The following MINDY4 variants were observed in gnomAD, a reference collection of about 807,000 sequenced individuals.
MINDY4 encodes the protein probable ubiquitin carboxyl-terminal hydrolase MINDY-4.
Under a neutral mutation model 87.0 loss-of-function variants are expected in MINDY4, and 68 were observed. That is an observed-to-expected ratio of 0.78 (90% CI 0.64 to 0.96). The LOEUF is 0.96. MINDY4 is among the 40% of genes least tolerant of loss of function. MINDY4 has a pLI of 0.00. For synonymous variants in MINDY4, 379 were observed against 363.2 expected, an observed-to-expected ratio of 1.04 and a Z score of -0.50; for missense variants, 919 against 928.2, an observed-to-expected ratio of 0.99 and a Z score of 0.13.
intron 4 of MINDY4, 131 bp from the exon 5 acceptor site, chr7:30,791,034 G>C: frequency 1.1e-6 from 1 of 940,928 alleles, no homozygotes. Context: ...AGATTTTAAG[G>C]GAAAGAGTCC....
In MINDY4 at chr7:30,840,772, G is replaced by A. The variant is rs755386534; in HGVS notation, c.1369G>A (p.Gly457Arg). The change falls in exon 9 of 18, where the codon GGA (glycine) becomes AGA (arginine). Residue 457 changes from glycine to arginine, a missense_variant. Physicochemically the swap from Gly to Arg is moderately radical, Grantham distance 125. Coordinates refer to ENST00000265299, the MANE Select transcript of MINDY4 (RefSeq NM_032222.3). ...GIVQNKGGPC[G>R]VLAAVQGCVL... The stretch of plus-strand genomic sequence containing the variant: ...TCATTCTTTGCAGGGTGGTCCTTGC[G>A]GAGTCCTGGCAGCTGTCCAAGGCTG... The A allele has an allele frequency of 1.2e-5, 19 of 1,614,068 alleles. No individual in the cohort carries two copies. The highest frequency in any genetic ancestry group is 6.6e-5 in the South Asian group (6 of 91,050).
intron 13 of MINDY4, among the ~76,000 whole-genome samples, chr7:30,859,919 G>A (rs1010311808): frequency 4.6e-5 from 7 of 152,164 alleles, no homozygotes; most frequent in Admixed American, 3.3e-4. Flanking sequence ...CTCCACAGCC[G>A]GAGTTTCCCC....
chr7:30,887,989 G>A (rs917590730), intron 17 of MINDY4, among the ~76,000 whole-genome samples: 1 of 152,212 alleles, frequency 6.6e-6, no homozygotes, highest in Non-Finnish European at 1.5e-5. Flanking sequence ...GAGATTTAAA[G>A]CATACAAGAG....
At chr7:30,871,031 A>T (rs1047818632) in intron 13 of MINDY4, among the ~76,000 whole-genome samples, 1 of 150,676 alleles carries the variant, frequency 6.6e-6, no homozygotes, top group Admixed American at 6.6e-5. Flanking sequence ...GTGTGCCCCC[A>T]GGGTTGTGTG....
At chr7:30,860,431 G>C (rs1013328325) in intron 13 of MINDY4, among the ~76,000 whole-genome samples, 2 of 152,164 alleles carry the variant, frequency 1.3e-5, no homozygotes, top group African/African-American at 4.8e-5. Flanking sequence ...ATAATGATAT[G>C]ATTCATTCCT....
intron 6 of MINDY4, among the ~76,000 whole-genome samples, chr7:30,829,713 G>A (rs1412714900): frequency 6.6e-6 from 1 of 152,184 alleles, no homozygotes; most frequent in Middle Eastern, 3.2e-3. Context: ...TGGGGTAGAT[G>A]TCTGTGCATG....
intron 2 of MINDY4, chr7:30,780,255 G>A (rs537539953): frequency 5.3e-5 from 8 of 152,210 alleles, no homozygotes; most frequent in South Asian, 2.1e-4. Flanking sequence ...TTCTAAGGCA[G>A]GAGAGTGGAC....
intron 5 of MINDY4, among the ~76,000 whole-genome samples, chr7:30,799,918 C>T (rs1439767309): frequency 6.6e-6 from 1 of 152,160 alleles, no homozygotes; most frequent in Non-Finnish European, 1.5e-5. Context: ...AGATGTGGAG[C>T]ATGAATTGAC....
chr7:30,849,996 G>A (rs886397003), intron 9 of MINDY4, among the ~76,000 whole-genome samples: 6 of 152,258 alleles, frequency 3.9e-5, no homozygotes. Flanking sequence ...GGCCCTGGCA[G>A]TGAATAGCAC....
intron 4 of MINDY4, among the ~76,000 whole-genome samples, chr7:30,788,044 A>G (rs1409500326): frequency 1.3e-5 from 2 of 152,234 alleles, no homozygotes; most frequent in South Asian, 2.1e-4. Flanking sequence ...AATTAGTGAC[A>G]TGAGTAGCAT....
intron 14 of MINDY4, among the ~76,000 whole-genome samples, 186 bp from the exon 15 acceptor site, chr7:30,875,309 G>C (rs1275341467): frequency 6.6e-6 from 1 of 152,242 alleles, no homozygotes; most frequent in Non-Finnish European, 1.5e-5. Flanking sequence ...ACCTTGATGA[G>C]AAAAGTTGGT....
At chr7:30,843,292 C>G (rs1789097918) in intron 9 of MINDY4, among the ~76,000 whole-genome samples, 1 of 152,142 alleles carries the variant, frequency 6.6e-6, no homozygotes, top group Non-Finnish European at 1.5e-5. Context: ...GGAGGAGTCA[C>G]TGGGGGTGGT....
chr7:30,845,538 G>A (rs2128568989), intron 9 of MINDY4, among the ~76,000 whole-genome samples: 1 of 145,900 alleles, frequency 6.9e-6, no homozygotes, highest in African/African-American at 2.7e-5. Flanking sequence ...AAAAAAAAAG[G>A]GCAAGCTCTT....
chr7:30,778,585 G>C lies in MINDY4; in HGVS notation c.183+34G>C, dbSNP rs79584800. ...TTTCTAAGGTGTGGTGTGGAGTCTT[G>C]GAACTGAGTTTGGCACTGCCAAAGC... is the stretch of plus-strand genomic sequence containing the variant. On this transcript the variant is annotated intron_variant, in intron 2 of 17. Transcript: ENST00000265299. The C allele has an allele frequency of 7.0e-4, 1,123 of 1,613,266 alleles. 5 individuals carry two copies. In the African/African-American group the frequency reaches 0.012, roughly 18 times the overall value.
At chr7:30,889,943 G>A (rs1253487610) in intron 17 of MINDY4, among the ~76,000 whole-genome samples, 2 of 152,170 alleles carry the variant, frequency 1.3e-5, no homozygotes, top group East Asian at 3.8e-4. Context: ...CTGTTTCTAA[G>A]CATTTATGAC....
At chr7:30,795,103 T>C (rs1300248147) in intron 5 of MINDY4, among the ~76,000 whole-genome samples, 1 of 152,066 alleles carries the variant, frequency 6.6e-6, no homozygotes, top group East Asian at 1.9e-4. Flanking sequence ...CAGCCCTCCG[T>C]TGGGGTGTGC....
chr7:30,841,015 T>C (rs545062941), intron 9 of MINDY4, among the ~76,000 whole-genome samples, 167 bp downstream of exon 9: 5 of 152,164 alleles, frequency 3.3e-5, no homozygotes, highest in African/African-American at 1.2e-4. Context: ...CGCAGACCAG[T>C]GTTAAGGGGA....
Position 30,836,651 on chromosome 7 carries a change from C to T in MINDY4, c.1133-7C>T, listed in dbSNP as rs530846398. 1 of 1,612,736 alleles carries T rather than the reference C, an allele frequency of 6.2e-7. No individual in the cohort carries two copies. Among genetic ancestry groups the T allele is most frequent in the African/African-American group, 1.3e-5 (1 of 75,024 alleles). Reference sequence around the variant, plus strand: ...GAAGGGCTCACATGGCCATGGTTTTCTTTCAGAGGATGTGGAGGATGAGTT... The same window carrying T: ...GAAGGGCTCACATGGCCATGGTTTTTTTTCAGAGGATGTGGAGGATGAGTT... On this transcript the variant is annotated splice_region_variant and splice_polypyrimidine_tract_variant and intron_variant, in intron 6 of 17. Transcript: ENST00000265299.
At chr7:30,803,459 G>A (rs1787717934) in intron 5 of MINDY4, 1 of 152,192 alleles carries the variant, frequency 6.6e-6, no homozygotes, top group Non-Finnish European at 1.5e-5. Context: ...AAAATAGCAG[G>A]CAGATCTGTT....
Sources: gnomAD v4.1 joint callset for allele counts (sites outside exome capture counted in the v4.1 genomes callset) on GRCh38, gnomAD v4.1.1 for gene constraint, MANE v1.5 for transcripts, NCBI Gene and HGNC (gene_info 2026-07-23, HGNC 2026-07-21) for gene names.